The following AHSA1 variants were observed in gnomAD, a reference collection of about 807,000 sequenced individuals.
The protein encoded by AHSA1 is activator of 90 kDa heat shock protein ATPase homolog 1.
Under a neutral mutation model 46.1 loss-of-function variants are expected in AHSA1, and 14 were observed. That is an observed-to-expected ratio of 0.30 (90% CI 0.20 to 0.47). The LOEUF (loss-of-function observed/expected upper bound fraction) is 0.47, where lower values mean the gene tolerates loss of function less well. AHSA1 is among the 20% of genes least tolerant of loss of function. AHSA1 has a pLI of 0.99. For missense variants in AHSA1, 333 were observed against 415.9 expected (o/e 0.80, Z 1.73); for synonymous variants, 147 against 145.8 (o/e 1.01, Z -0.06).
intron 6 of AHSA1, chr14:77,466,477 A>T (rs1397345375): frequency 6.6e-6 from 1 of 152,342 alleles, no homozygotes; most frequent in Non-Finnish European, 1.5e-5. Flanking sequence ...GGTGGTTAGG[A>T]TATGTGGAAG....
chr14:77,463,662 C>G (rs1052213266), intron 4 of AHSA1, among the ~76,000 whole-genome samples: 3 of 151,628 alleles, frequency 2.0e-5, no homozygotes, highest in Admixed American at 2.0e-4. Flanking sequence ...AATCTAAAGA[C>G]TTGGCATCTC....
chr14:77,461,772 A>G (rs569436302), intron 2 of AHSA1, among the ~76,000 whole-genome samples: 1 of 152,368 alleles, frequency 6.6e-6, no homozygotes, highest in East Asian at 1.9e-4. Context: ...ATGGAGTCAC[A>G]TATAAGCAAA....
intron 4 of AHSA1, among the ~76,000 whole-genome samples, chr14:77,463,943 C>T (rs2079037093): frequency 6.6e-6 from 1 of 152,250 alleles, no homozygotes; most frequent in Admixed American, 6.5e-5. Context: ...AGGCACTAAC[C>T]ATGCATCCAT....
Position 77,458,176 on chromosome 14 carries a change from C to T in AHSA1, c.-14C>T, listed in dbSNP as rs1198792058. On this transcript the variant is annotated 5_prime_UTR_variant, in exon 1 of 9. Transcript: ENST00000216479. Reference sequence around the variant, plus strand: ...GGCTGCTCCGGAGCTGGTGGCGCCGCGATAGGAGAGCCGATGGCCAAGTGG... The same window carrying T: ...GGCTGCTCCGGAGCTGGTGGCGCCGTGATAGGAGAGCCGATGGCCAAGTGG... The T allele has an allele frequency of 6.6e-7, 1 of 1,520,506 alleles. No homozygotes were observed. 94.2% of individuals were successfully genotyped at this position (1,520,506 alleles called of 1,614,324 possible). A position where few individuals can be genotyped will look rare whatever the true frequency, so the allele number is the denominator to read the frequency against.
At chr14:77,458,073 A>G (rs1463517645), upstream of AHSA1, 9 of 826,996 alleles carry the variant, frequency 1.1e-5, no homozygotes, top group South Asian at 8.2e-5. Context: ...GCAAGCCAGG[A>G]GGTGCTTGCG....
intron 2 of AHSA1, among the ~76,000 whole-genome samples, chr14:77,460,626 C>G (rs1038378234): frequency 6.7e-6 from 1 of 150,210 alleles, no homozygotes; most frequent in African/African-American, 2.5e-5. Flanking sequence ...AGTGCAGTGG[C>G]ACGATCTTGG....
intron 2 of AHSA1, among the ~76,000 whole-genome samples, chr14:77,461,659 T>C (rs939919364): frequency 6.6e-6 from 1 of 152,208 alleles, no homozygotes; most frequent in South Asian, 2.1e-4. Context: ...CAACACACGC[T>C]GTAAACTGAG....
intron 2 of AHSA1, among the ~76,000 whole-genome samples, chr14:77,461,063 G>A (rs1176190131): frequency 2.6e-5 from 4 of 152,042 alleles, no homozygotes; most frequent in African/African-American, 9.7e-5. Flanking sequence ...GGAGGCTGAG[G>A]CAGGAGAATC....
In AHSA1 at chr14:77,462,006, G is replaced by A. The variant is rs558117088; in HGVS notation, c.272-154G>A. On this transcript the variant is annotated intron_variant, in intron 2 of 8. Transcript: ENST00000216479. ...GGAAAGACATTTCTTTTGGGGGTGC[G>A]GGTGTTGATTGCATCTGGCATGTGG... Among the ~76,000 whole-genome samples, 18 of 152,262 alleles carry A rather than the reference G, an allele frequency of 1.2e-4. No individual in the cohort carries two copies. Among genetic ancestry groups the A allele is most frequent in the South Asian group, 2.1e-4 (1 of 4,822 alleles).
chr14:77,467,272 G>T (rs552172577), intron 6 of AHSA1, among the ~76,000 whole-genome samples: 5 of 152,100 alleles, frequency 3.3e-5, no homozygotes, highest in African/African-American at 1.2e-4. Flanking sequence ...GGTGGTATGC[G>T]CCTGTAGTCC....
intron 4 of AHSA1, among the ~76,000 whole-genome samples, chr14:77,463,355 G>A (rs912145566): frequency 1.1e-4 from 16 of 152,070 alleles, no homozygotes; most frequent in African/African-American, 3.4e-4. Context: ...TTGGGAAGCC[G>A]AGGTGGGCGG....
At chr14:77,463,271 C>T (rs927924716) in intron 4 of AHSA1, among the ~76,000 whole-genome samples, 1 of 150,798 alleles carries the variant, frequency 6.6e-6, no homozygotes, top group Non-Finnish European at 1.5e-5. Flanking sequence ...GACCAAAAAA[C>T]ACAAGAGATG....
At chr14:77,464,811 G>A in intron 5 of AHSA1, 125 bp downstream of exon 5, 1 of 791,554 alleles carries the variant, frequency 1.3e-6, no homozygotes. Context: ...ATCTGCTCAT[G>A]GTGCTTTTTC....
chr14:77,469,457 CAT>C lies in AHSA1; in HGVS notation c.*210_*211del, dbSNP rs747671028. The C allele has an allele frequency of 1.5e-5, 7 of 481,060 alleles. No homozygotes were observed. Among genetic ancestry groups the C allele is most frequent in the Non-Finnish European group, 2.2e-5 (6 of 274,164 alleles). The allele number at this position is 481,060 out of a possible 1,614,324, so 29.8% of individuals were successfully genotyped here. ...TTTATGTGTACATATGCTAAATAAA[CAT>C]AATTTAAAAAACATGCGTGTCTGGA... On this transcript the variant is annotated 3_prime_UTR_variant, in exon 9 of 9. Transcript: ENST00000216479.
intron 6 of AHSA1, among the ~76,000 whole-genome samples, chr14:77,467,814 TTA>T (rs2079054107): frequency 6.6e-6 from 1 of 152,280 alleles, no homozygotes; most frequent in Non-Finnish European, 1.5e-5. Flanking sequence ...AAGCTCATTC[TTA>T]TATCTTTCTG....
chr14:77,466,438 C>T (rs17824358), intron 6 of AHSA1: 8,698 of 153,024 alleles, frequency 0.057, 432 homozygotes, highest in Admixed American at 0.16. Flanking sequence ...GAAACATGAC[C>T]GTATTCAGCT....
In AHSA1 at chr14:77,468,506, A is replaced by T. The variant is rs778804098; in HGVS notation, c.842A>T (p.Glu281Val). 6.2e-7 allele frequency: 1 copy of T among 1,610,726 alleles called. No homozygotes were observed. Among genetic ancestry groups the T allele is most frequent in the Non-Finnish European group, 8.5e-7 (1 of 1,178,366 alleles). The stretch of plus-strand genomic sequence containing the variant: ...AAGTGGAGGTTTAAATCTTGGCCAG[A>T]GGGTAAGTAAACATATTTATTGCCA... ...VMKWRFKSWP[E>V]GHFATITLTF... is the part of the protein sequence containing the mutation. Residue 281 changes from glutamate (E) to valine (V), a missense_variant and splice_region_variant, in exon 8 of 9, where the codon GAG becomes GTG. Glu to Val is a moderately radical substitution (Grantham distance 121, BLOSUM62 -2). Coordinates refer to ENST00000216479, the MANE Select transcript of AHSA1 (RefSeq NM_012111.3).
chr14:77,468,369 A>C, intron 7 of AHSA1, 88 bp from the exon 8 acceptor site: 1 of 1,322,528 alleles, frequency 7.6e-7, no homozygotes, highest in Admixed American at 1.9e-5. Flanking sequence ...CAGATGGTAG[A>C]CTCCGTATGA....
rs1250092959 is a variant in AHSA1 at position 77,469,254 on chromosome 14, A to G, written c.*5A>G. 1 of 1,613,314 alleles carries G rather than the reference A, an allele frequency of 6.2e-7. No homozygotes were observed. The highest frequency in any genetic ancestry group is 1.3e-5 in the African/African-American group (1 of 74,920). On this transcript the variant is annotated 3_prime_UTR_variant, in exon 9 of 9. Transcript: ENST00000216479. ...TATGGCGCACGCTTATTTTAGGGCCAGCGGCAGGGGACTCCAGCCTGCTGG... is the reference window on the plus strand; with the variant it reads ...TATGGCGCACGCTTATTTTAGGGCCGGCGGCAGGGGACTCCAGCCTGCTGG...
Sources: gnomAD v4.1 joint callset for allele counts (sites outside exome capture counted in the v4.1 genomes callset) on GRCh38, gnomAD v4.1.1 for gene constraint, MANE v1.5 for transcripts, NCBI Gene and HGNC (gene_info 2026-07-23, HGNC 2026-07-21) for gene names.